The following CCDC149 variants were observed in gnomAD, a reference collection of about 807,000 sequenced individuals.
CCDC149 encodes the protein coiled-coil domain containing 149, also known as coiled-coil domain-containing protein 149.
CCDC149 carries 45 observed loss-of-function variants against 59.9 expected under a neutral mutation model. That is an observed-to-expected ratio of 0.75 (90% CI 0.59 to 0.96). The LOEUF is 0.96. Ranked by LOEUF, CCDC149 falls within the 40% of genes least tolerant of loss-of-function variation. The pLI is 0.00. For synonymous variants in CCDC149, 245 were observed against 260.6 expected (o/e 0.94, Z 0.58); for missense variants, 584 against 664.7 (o/e 0.88, Z 1.33).
intron 3 of CCDC149, among the ~76,000 whole-genome samples, chr4:24,853,931 C>G (rs774838526): frequency 6.6e-6 from 1 of 152,120 alleles, no homozygotes; most frequent in Non-Finnish European, 1.5e-5. Flanking sequence ...TACTAAATAG[C>G]CAGGATAATC....
chr4:24,869,789 A>G (rs1045429163), intron 3 of CCDC149, among the ~76,000 whole-genome samples: 1 of 152,224 alleles, frequency 6.6e-6, no homozygotes, highest in Non-Finnish European at 1.5e-5. Flanking sequence ...GGATGAGAAC[A>G]TTGAGACTCA....
upstream of CCDC149, among the ~76,000 whole-genome samples, chr4:24,916,047 G>A (rs544782486): frequency 4.5e-4 from 68 of 152,246 alleles, no homozygotes; most frequent in African/African-American, 1.4e-3. Context: ...TGTCCCATCC[G>A]ACAGTCCATT....
intron 1 of CCDC149, among the ~76,000 whole-genome samples, chr4:24,896,536 T>A (rs1009022648): frequency 1.3e-5 from 2 of 152,210 alleles, no homozygotes; most frequent in Non-Finnish European, 2.9e-5. Flanking sequence ...TCAGACACGC[T>A]ATAATACAGG....
At chr4:24,863,929 A>G (rs982802778) in intron 3 of CCDC149, among the ~76,000 whole-genome samples, 6 of 152,240 alleles carry the variant, frequency 3.9e-5, no homozygotes, top group African/African-American at 1.4e-4. Flanking sequence ...CCAAATGCAT[A>G]AGGGACAAAT....
At position 24,888,365 on chromosome 4, in the gene CCDC149, C is replaced by G. The variant is rs115635749; in HGVS notation, c.64-11668G>C. Reference sequence around the variant, plus strand: ...TGTCTAAATCTCATTTAGCATCATGCTTTGCAGAAAAAAAAAATCCAGTTA... The same window carrying G: ...TGTCTAAATCTCATTTAGCATCATGGTTTGCAGAAAAAAAAAATCCAGTTA... On this transcript the variant is annotated intron_variant, in intron 1 of 12. Coordinates refer to ENST00000635206, the MANE Select transcript of CCDC149 (RefSeq NM_001330643.2). Among the ~76,000 whole-genome samples, 592 of 151,002 alleles carry G rather than the reference C, an allele frequency of 3.9e-3. 4 individuals carry two copies. The highest frequency in any genetic ancestry group is 0.013 in the African/African-American group (551 of 41,076).
intron 9 of CCDC149, chr4:24,827,267 G>A (rs575874649): frequency 2.4e-4 from 36 of 152,416 alleles, no homozygotes; most frequent in African/African-American, 7.9e-4. Flanking sequence ...GCAGGTAACT[G>A]TGTCTCTACA....
At chr4:24,890,708 C>T (rs1720477213) in intron 1 of CCDC149, among the ~76,000 whole-genome samples, 1 of 152,182 alleles carries the variant, frequency 6.6e-6, no homozygotes, top group African/African-American at 2.4e-5. Context: ...TGGAGCATGT[C>T]TGAGAACAGT....
intron 3 of CCDC149, among the ~76,000 whole-genome samples, chr4:24,867,447 T>G (rs527668767): frequency 6.6e-6 from 1 of 152,248 alleles, no homozygotes; most frequent in Non-Finnish European, 1.5e-5. Flanking sequence ...AGAAGAATGC[T>G]GGGAGATTAC....
intron 4 of CCDC149, among the ~76,000 whole-genome samples, chr4:24,851,888 G>C (rs1386837734): frequency 6.6e-6 from 1 of 152,006 alleles, no homozygotes; most frequent in East Asian, 1.9e-4. Flanking sequence ...GTGTTAATCA[G>C]AGCCTTTCCT....
At position 24,921,412 on chromosome 4, in the gene CCDC149, A is replaced by G. The variant is rs144138942; in HGVS notation, c.-64-26294T>C. Among the ~76,000 whole-genome samples the G allele has an allele frequency of 7.8e-4, 119 of 152,090 alleles. 2 individuals are homozygous for G. The East Asian group carries it at 0.019, about 24-fold the overall frequency. On this transcript the variant is annotated intron_variant, in intron 1 of 12. Coordinates refer to the CCDC149 transcript ENST00000389609. ...TATGTACTTCTCTCCCCCATTCAAC[A>G]CCCCCATCCAGGAGAGACCCAGTGG... is the stretch of plus-strand genomic sequence containing the variant.
Position 24,874,264 on chromosome 4 carries a change from T to G in CCDC149, c.226-545A>C, listed in dbSNP as rs1460332970. The stretch of plus-strand genomic sequence containing the variant: ...GATTTGTTTTTTTTTTTTTTTGTTT[T>G]GTTTTTTTTTGTTTTTTTGCCTTAA... On this transcript the variant is annotated intron_variant, in intron 2 of 12. Transcript: ENST00000635206. 9.1e-5 allele frequency among the ~76,000 whole-genome samples: 3 copies of G among 32,854 alleles called. 1 individual carries two copies. Among genetic ancestry groups the G allele is most frequent in the African/African-American group, 2.5e-4 (3 of 12,178 alleles). 21.6% of individuals were successfully genotyped at this position (32,854 alleles called of 152,430 possible). A position where few individuals can be genotyped will look rare whatever the true frequency, so the allele number is the denominator to read the frequency against.
At position 24,874,258 on chromosome 4, in the gene CCDC149, T is replaced by TG. The variant is rs1189002846; in HGVS notation, c.226-540_226-539insC. Among the ~76,000 whole-genome samples the TG allele has an allele frequency of 2.6e-3, 136 of 52,180 alleles. 2 individuals carry two copies. The highest frequency in any genetic ancestry group is 9.5e-3 in the African/African-American group (120 of 12,660). 34.2% of individuals were successfully genotyped at this position (52,180 alleles called of 152,430 possible). ...CTATTAGATTTGTTTTTTTTTTTTT[T>TG]TGTTTTGTTTTTTTTTGTTTTTTTG... On this transcript the variant is annotated intron_variant, in intron 2 of 12. Transcript: ENST00000635206.
At chr4:24,893,898 G>A (rs968582578) in intron 1 of CCDC149, among the ~76,000 whole-genome samples, 5 of 151,978 alleles carry the variant, frequency 3.3e-5, no homozygotes, top group African/African-American at 7.3e-5. Flanking sequence ...GAGCCACCAC[G>A]CCCAGGCTAA....
At chr4:24,977,989 G>A (rs560822673) in intron 1 of CCDC149, among the ~76,000 whole-genome samples, 57 of 152,200 alleles carry the variant, frequency 3.7e-4, no homozygotes, top group African/African-American at 1.2e-3. Context: ...AAAATTAACT[G>A]GACTTGATGG....
intron 1 of CCDC149, among the ~76,000 whole-genome samples, chr4:24,948,691 C>T (rs982328052): frequency 1.3e-5 from 2 of 152,134 alleles, no homozygotes; most frequent in Non-Finnish European, 2.9e-5. Context: ...CTCTCTTTTC[C>T]TCTCTCTGGG....
intron 8 of CCDC149, 135 bp from the exon 9 acceptor site, chr4:24,831,785 T>A: frequency 1.4e-6 from 1 of 696,322 alleles, no homozygotes. Flanking sequence ...AGAGTCCACC[T>A]CAAGTGTCAA....
chr4:24,819,418 T>C (rs1313716602), intron 12 of CCDC149, among the ~76,000 whole-genome samples: 1 of 152,162 alleles, frequency 6.6e-6, no homozygotes, highest in Non-Finnish European at 1.5e-5. Context: ...GCCTCCCAGT[T>C]CAAGTGATTC....
chr4:24,819,896 G>C lies in CCDC149; in HGVS notation c.1155C>G (p.Val385=), dbSNP rs918124901. Residue 385 remains valine (V), a synonymous_variant, in exon 12 of 13, where the codon GTC becomes GTG. Coordinates refer to ENST00000635206, the MANE Select transcript of CCDC149 (RefSeq NM_001330643.2). ...CTGCTTTGTTCTCAGTGGGCTGCTC[G>C]ACAAACTTCAGCAGTGGGGATCTCG... 5.8e-6 allele frequency: 9 copies of C among 1,551,564 alleles called. No individual in the cohort carries two copies. Among genetic ancestry groups the C allele is most frequent in the Non-Finnish European group, 7.8e-6 (9 of 1,146,982 alleles).
chr4:24,843,938 A>ATGCCACTC, intron 4 of CCDC149, among the ~76,000 whole-genome samples: 1 of 152,132 alleles, frequency 6.6e-6, no homozygotes, highest in East Asian at 1.9e-4. Context: ...TGTCCGAAAC[A>ATGCCACTC]TGCCACTCTC....
Sources: allele counts gnomAD v4.1 joint callset (sites outside exome capture counted in the v4.1 genomes callset), GRCh38; gene constraint gnomAD v4.1.1; transcripts MANE v1.5; gene names NCBI Gene and HGNC (gene_info 2026-07-23, HGNC 2026-07-21).